The following CSMD1 variants were observed in gnomAD, a reference collection of about 807,000 sequenced individuals.
CSMD1 encodes CUB and sushi domain-containing protein 1.
Under a neutral mutation model 417.5 loss-of-function variants are expected in CSMD1, and 213 were observed. That is an observed-to-expected ratio of 0.51 (90% CI 0.46 to 0.57). The LOEUF (loss-of-function observed/expected upper bound fraction) is 0.57. CSMD1 is among the 20% of genes least tolerant of loss of function. The pLI is 0.00. For missense variants in CSMD1, 6,923 were observed against 4,529.7 expected (o/e 1.53, Z -15.17); for synonymous variants, 2,862 against 1,736.8 (o/e 1.65, Z -16.11).
At chr8:3,101,495 T>A (rs1815739469) in intron 46 of CSMD1, among the ~76,000 whole-genome samples, 1 of 152,128 alleles carries the variant, frequency 6.6e-6, no homozygotes, top group Non-Finnish European at 1.5e-5. Context: ...CGATCTCAGC[T>A]CACTGCAAGC....
chr8:4,710,294 GTA>G (rs1274278852), intron 1 of CSMD1, among the ~76,000 whole-genome samples: 11 of 151,038 alleles, frequency 7.3e-5, no homozygotes, highest in African/African-American at 9.7e-5. Flanking sequence ...AATATATAAT[GTA>G]TATGTGTATA....
At chr8:3,592,870 T>A (rs1250083320) in intron 8 of CSMD1, among the ~76,000 whole-genome samples, 1 of 151,974 alleles carries the variant, frequency 6.6e-6, no homozygotes. Context: ...GATGGTAGGT[T>A]CTCCCACTTC....
chr8:3,852,265 T>C (rs1351222598), intron 5 of CSMD1, among the ~76,000 whole-genome samples: 2 of 152,046 alleles, frequency 1.3e-5, no homozygotes, highest in South Asian at 2.1e-4. Flanking sequence ...AACCATCCTG[T>C]AGGCAGTGGA....
At chr8:3,813,273 T>G (rs1801185966) in intron 5 of CSMD1, among the ~76,000 whole-genome samples, 1 of 152,152 alleles carries the variant, frequency 6.6e-6, no homozygotes, top group African/African-American at 2.4e-5. Flanking sequence ...TTGCTATCCA[T>G]GCAAATACAT....
At chr8:4,560,412 A>C (rs1036502568) in intron 2 of CSMD1, among the ~76,000 whole-genome samples, 3 of 152,170 alleles carry the variant, frequency 2.0e-5, no homozygotes, top group Non-Finnish European at 4.4e-5. Context: ...TCCTACACAA[A>C]AGATCATGTC....
intron 12 of CSMD1, among the ~76,000 whole-genome samples, chr8:3,435,340 C>T (rs1814483876): frequency 6.6e-6 from 1 of 152,166 alleles, no homozygotes; most frequent in Non-Finnish European, 1.5e-5. Context: ...GAAACAGATG[C>T]CCTGAGTGGT....
At chr8:4,672,865 A>G (rs975380679) in intron 1 of CSMD1, among the ~76,000 whole-genome samples, 1 of 152,204 alleles carries the variant, frequency 6.6e-6, no homozygotes, top group Non-Finnish European at 1.5e-5. Context: ...ATGCATGCAT[A>G]CATGGTAACA....
intron 25 of CSMD1, among the ~76,000 whole-genome samples, chr8:3,289,870 C>T (rs958877174): frequency 1.4e-5 from 2 of 147,514 alleles, no homozygotes; most frequent in African/African-American, 2.7e-5. Flanking sequence ...GTTGCCATTG[C>T]TTTTGGCATT....
At chr8:3,388,604 T>C (rs1811153246) in intron 17 of CSMD1, among the ~76,000 whole-genome samples, 3 of 152,244 alleles carry the variant, frequency 2.0e-5, no homozygotes, top group Non-Finnish European at 4.4e-5. Flanking sequence ...TTCTGATCAT[T>C]GCATATGTTT....
chr8:4,307,012 T>G (rs1412690757), intron 3 of CSMD1, among the ~76,000 whole-genome samples: 1 of 152,114 alleles, frequency 6.6e-6, no homozygotes, highest in Non-Finnish European at 1.5e-5. Flanking sequence ...GTTCAGCCCC[T>G]CTTCGTCGCC....
At chr8:3,099,278 T>A (rs117867628) in intron 46 of CSMD1, among the ~76,000 whole-genome samples, 1 of 152,150 alleles carries the variant, frequency 6.6e-6, no homozygotes, top group African/African-American at 2.4e-5. Context: ...AGTTCCTTCA[T>A]CTAGCTACTG....
chr8:4,054,046 C>G (rs369041124), intron 3 of CSMD1, among the ~76,000 whole-genome samples: 3 of 152,306 alleles, frequency 2.0e-5, no homozygotes, highest in East Asian at 3.9e-4. Context: ...AGGAAGTTCA[C>G]TGAGAGCCAA....
chr8:3,375,117 A>T (rs1474497345), intron 18 of CSMD1: 1 of 152,118 alleles, frequency 6.6e-6, no homozygotes, highest in Non-Finnish European at 1.5e-5. Context: ...GACAGCTTCC[A>T]CATGTACATG....
intron 8 of CSMD1, among the ~76,000 whole-genome samples, chr8:3,594,238 T>C (rs936833718): frequency 2.6e-5 from 4 of 152,182 alleles, no homozygotes; most frequent in Non-Finnish European, 4.4e-5. Context: ...ACCGTATTAA[T>C]GAGCTGCTAG....
chr8:2,967,240 A>G (rs190879349), intron 57 of CSMD1, among the ~76,000 whole-genome samples: 122 of 152,324 alleles, frequency 8.0e-4, no homozygotes, highest in African/African-American at 2.8e-3. Context: ...ACTTTGGAAA[A>G]TAAAGAATGC....
chr8:3,346,891 G>A (rs997240229), intron 22 of CSMD1, among the ~76,000 whole-genome samples: 8 of 152,318 alleles, frequency 5.3e-5, no homozygotes, highest in African/African-American at 1.4e-4. Flanking sequence ...AAAGAGCCAC[G>A]TGTTCCTTTC....
intron 9 of CSMD1, among the ~76,000 whole-genome samples, chr8:3,578,500 A>G (rs1800246366): frequency 2.0e-5 from 3 of 152,322 alleles, no homozygotes; most frequent in South Asian, 4.2e-4. Flanking sequence ...TATCTTATCT[A>G]AAAACCATAT....
At chr8:3,417,004 C>T (rs1813197722) in intron 12 of CSMD1, among the ~76,000 whole-genome samples, 1 of 152,146 alleles carries the variant, frequency 6.6e-6, no homozygotes. Flanking sequence ...ATTATATAAG[C>T]TGATATCCCT....
At chr8:3,355,484 C>G (rs548139769) in intron 21 of CSMD1, among the ~76,000 whole-genome samples, 1 of 152,190 alleles carries the variant, frequency 6.6e-6, no homozygotes, top group Non-Finnish European at 1.5e-5. Flanking sequence ...CCAATCACGA[C>G]TGCCCTGGCC....
Sources: allele counts gnomAD v4.1 joint callset (sites outside exome capture counted in the v4.1 genomes callset), GRCh38; gene constraint gnomAD v4.1.1; transcripts MANE v1.5; gene names NCBI Gene and HGNC (gene_info 2026-07-23, HGNC 2026-07-21).